KIAA1191: variants seen among roughly 807,000 people sequenced by gnomAD.
KIAA1191 encodes KIAA1191, also known as putative monooxygenase p33MONOX.
KIAA1191 carries 22 observed loss-of-function variants against 31.1 expected under a neutral mutation model. That is an observed-to-expected ratio of 0.71 (90% CI 0.51 to 1.01). The LOEUF (loss-of-function observed/expected upper bound fraction) is 1.01. Ranked by LOEUF, KIAA1191 falls within the 50% of genes least tolerant of loss-of-function variation. The probability of loss-of-function intolerance (pLI) is 0.00; values close to 1 mark genes in which losing one functional copy is unlikely to be tolerated. For missense variants in KIAA1191, 319 were observed against 388.0 expected (o/e 0.82, Z 1.49); for synonymous variants, 130 against 143.9 (o/e 0.90, Z 0.69).
chr5:176,355,518 G>C lies in KIAA1191; in HGVS notation c.207+53C>G. 6.4e-7 allele frequency: 1 copy of C among 1,558,438 alleles called. No homozygotes were observed. Among genetic ancestry groups the C allele is most frequent in the Non-Finnish European group, 8.7e-7 (1 of 1,142,868 alleles). On this transcript the variant is annotated intron_variant, in intron 4 of 8. Transcript: ENST00000298569. The surrounding 1 kb of genome is among the most constrained non-coding windows in gnomAD (Gnocchi z 4.2). Reference sequence around the variant, plus strand: ...GGAGCCACTGAAGGCTTCTGGAGCAGAGGAAGGACAAAGGGGTTGCGTATG... The same window carrying C: ...GGAGCCACTGAAGGCTTCTGGAGCACAGGAAGGACAAAGGGGTTGCGTATG...
rs1766551623 is a variant in KIAA1191, at chr5:176,346,902, C to G, written c.*698G>C. On this transcript the variant is annotated 3_prime_UTR_variant, in exon 9 of 9. Coordinates refer to ENST00000298569, the MANE Select transcript of KIAA1191 (RefSeq NM_020444.5). ...GTCGTCTTAGCGAGTCAGTGAGCACCTCTAAGCCATGATTTGTCAATGCTC... is the reference window on the plus strand; with the variant it reads ...GTCGTCTTAGCGAGTCAGTGAGCACGTCTAAGCCATGATTTGTCAATGCTC... 1 of 152,176 alleles carries G rather than the reference C, an allele frequency of 6.6e-6. No individual in the cohort carries two copies. The highest frequency in any genetic ancestry group is 1.5e-5 in the Non-Finnish European group (1 of 68,056). 9.4% of individuals were successfully genotyped at this position (152,176 alleles called of 1,614,324 possible). A position where few individuals can be genotyped will look rare whatever the true frequency, so the allele number is the denominator to read the frequency against.
chr5:176,353,703 A>C (rs1767244303), intron 4 of KIAA1191: 1 of 152,180 alleles, frequency 6.6e-6, no homozygotes, highest in Non-Finnish European at 1.5e-5. Context: ...TCTCCTTTGG[A>C]GCAGCTGTTC....
Position 176,355,430 on chromosome 5 carries a change from G to A in KIAA1191, c.207+141C>T, listed in dbSNP as rs1767423202. ...AAATCTTAAAAAAAAAAAAAAGACAGCTATAACTGAGGCACAGAAAACACA... is the reference window on the plus strand; with the variant it reads ...AAATCTTAAAAAAAAAAAAAAGACAACTATAACTGAGGCACAGAAAACACA... On this transcript the variant is annotated intron_variant, in intron 4 of 8. Coordinates refer to ENST00000298569, the MANE Select transcript of KIAA1191 (RefSeq NM_020444.5). This position sits in a 1 kb window ranked among gnomAD's most constrained non-coding sequence, Gnocchi z 4.2. 1 of 679,500 alleles carries A rather than the reference G, an allele frequency of 1.5e-6. No homozygotes were observed. The highest frequency in any genetic ancestry group is 2.3e-5 in the South Asian group (1 of 43,984). The allele number at this position is 679,500 out of a possible 1,614,324, so 42.1% of individuals were successfully genotyped here.
At chr5:176,349,152 A>T (rs3749804) in intron 6 of KIAA1191, 1 of 151,998 alleles carries the variant, frequency 6.6e-6, no homozygotes, top group Non-Finnish European at 1.5e-5. Context: ...GGCAAGACAC[A>T]GAAAGTGGGT....
rs1767471427 is a variant in KIAA1191 at position 176,355,962 on chromosome 5, G to A, written c.29-213C>T. 1.7e-6 allele frequency: 1 copy of A among 578,088 alleles called. No homozygotes were observed. 35.8% of individuals were successfully genotyped at this position (578,088 alleles called of 1,614,324 possible). On this transcript the variant is annotated intron_variant, in intron 3 of 8. Transcript: ENST00000298569. This position sits in a 1 kb window ranked among gnomAD's most constrained non-coding sequence, Gnocchi z 4.2. Reference sequence around the variant, plus strand: ...TTGGGTGGTCCACTTAACCCACTCAGCCGTCCTAATCCTTTTTTTTTATTA... The same window carrying A: ...TTGGGTGGTCCACTTAACCCACTCAACCGTCCTAATCCTTTTTTTTTATTA...
chr5:176,357,630 A>G (rs1268712131), intron 3 of KIAA1191, among the ~76,000 whole-genome samples: 1 of 152,132 alleles, frequency 6.6e-6, no homozygotes, highest in Non-Finnish European at 1.5e-5. Flanking sequence ...GAGCCGGTGC[A>G]CACACTCTGC....
intron 4 of KIAA1191, chr5:176,354,320 C>T (rs890373820): frequency 4.6e-5 from 7 of 152,288 alleles, no homozygotes; most frequent in African/African-American, 1.7e-4. Flanking sequence ...TTTCAGTGGA[C>T]CCTTACTGTG....
intron 1 of KIAA1191, 54 bp from the exon 2 acceptor site, chr5:176,359,972 C>T (rs1767854657): frequency 6.1e-6 from 1 of 163,500 alleles, no homozygotes; most frequent in African/African-American, 2.4e-5. Context: ...CTGCCAAACA[C>T]TTGTTTATTC....
rs1393833066 is a variant in KIAA1191 at position 176,346,897 on chromosome 5, A to T, written c.*703T>A. On this transcript the variant is annotated 3_prime_UTR_variant, in exon 9 of 9. Coordinates refer to ENST00000298569, the MANE Select transcript of KIAA1191 (RefSeq NM_020444.5). ...CCAAAGTCGTCTTAGCGAGTCAGTG[A>T]GCACCTCTAAGCCATGATTTGTCAA... The T allele has an allele frequency of 2.0e-5, 3 of 152,238 alleles. No homozygotes were observed. Among genetic ancestry groups the T allele is most frequent in the Admixed American group, 2.0e-4 (3 of 15,286 alleles). The allele number at this position is 152,238 out of a possible 1,614,324, so 9.4% of individuals were successfully genotyped here.
At chr5:176,357,596 T>C (rs11743673) in intron 3 of KIAA1191, among the ~76,000 whole-genome samples, 113,154 of 152,080 alleles carry the variant, frequency 0.74, 42,262 homozygotes, top group Middle Eastern at 0.84. Flanking sequence ...TGAAAGAGTG[T>C]GCTGGGAACT....
Position 176,347,544 on chromosome 5 carries a change from A to C in KIAA1191, c.*56T>G. ...ACCTTTCCTATGTCAAAGCCAAGGT[A>C]AAAGGGGAGTGGGATGCAAGAAACC... On this transcript the variant is annotated 3_prime_UTR_variant, in exon 9 of 9. Transcript: ENST00000298569. 1 of 1,321,768 alleles carries C rather than the reference A, an allele frequency of 7.6e-7. No individual in the cohort carries two copies. The highest frequency in any genetic ancestry group is 1.0e-6 in the Non-Finnish European group (1 of 984,364). 81.9% of individuals were successfully genotyped at this position (1,321,768 alleles called of 1,614,324 possible).
At position 176,355,816 on chromosome 5, in the gene KIAA1191, T is replaced by C; in HGVS notation, c.29-67A>G. ...ACATACTAGCAGCTTTAAATTAATC[T>C]ACAGGAAGGAAAGCTCTGAAATACT... On this transcript the variant is annotated intron_variant, in intron 3 of 8. Coordinates refer to ENST00000298569, the MANE Select transcript of KIAA1191 (RefSeq NM_020444.5). This position sits in a 1 kb window ranked among gnomAD's most constrained non-coding sequence, Gnocchi z 4.2. 6.8e-7 allele frequency: 1 copy of C among 1,466,164 alleles called. No individual in the cohort carries two copies. Among genetic ancestry groups the C allele is most frequent in the African/African-American group, 1.4e-5 (1 of 71,938 alleles). 90.8% of individuals were successfully genotyped at this position (1,466,164 alleles called of 1,614,324 possible).
intron 6 of KIAA1191, among the ~76,000 whole-genome samples, chr5:176,350,160 C>T (rs531778262): frequency 8.5e-5 from 13 of 152,288 alleles, no homozygotes; most frequent in African/African-American, 2.6e-4. Flanking sequence ...CAGTATGAAG[C>T]GGTCTTCACT....
chr5:176,347,884 T>G lies in KIAA1191; in HGVS notation c.709+37A>C, dbSNP rs1427516192. On this transcript the variant is annotated intron_variant, in intron 8 of 8. Coordinates refer to ENST00000298569, the MANE Select transcript of KIAA1191 (RefSeq NM_020444.5). ...CCGGTATACAATATGGTAAGATGTC[T>G]GCCATGCTGCTCTCTTTTTTGAAGG... 3 of 1,613,718 alleles carry G rather than the reference T, an allele frequency of 1.9e-6. No homozygotes were observed. The East Asian group carries it at 6.7e-5, about 36-fold the overall frequency.
At chr5:176,358,070 A>C (rs1432163094) in intron 3 of KIAA1191, among the ~76,000 whole-genome samples, 2 of 152,210 alleles carry the variant, frequency 1.3e-5, no homozygotes, top group African/African-American at 4.8e-5. Context: ...AGATGTAATT[A>C]AAAATCACTT....
In KIAA1191 at chr5:176,355,266, C is replaced by A. The variant is rs550577062; in HGVS notation, c.207+305G>T. Among the ~76,000 whole-genome samples, 26 of 152,030 alleles carry A rather than the reference C, an allele frequency of 1.7e-4. No homozygotes were observed. The highest frequency in any genetic ancestry group is 5.5e-4 in the African/African-American group (23 of 41,480). On this transcript the variant is annotated intron_variant, in intron 4 of 8. Coordinates refer to ENST00000298569, the MANE Select transcript of KIAA1191 (RefSeq NM_020444.5). The surrounding 1 kb of genome is among the most constrained non-coding windows in gnomAD (Gnocchi z 4.2). ...AAAAAAAGGAGGGAGATTTAAAAAA[C>A]CATCTATTGGGTACACTGTACACTA...
At position 176,347,923 on chromosome 5, in the gene KIAA1191, G is replaced by A; in HGVS notation, c.707C>T (p.Ser236Phe). 1.2e-6 allele frequency: 2 copies of A among 1,614,152 alleles called. No homozygotes were observed. The highest frequency in any genetic ancestry group is 1.3e-5 in the African/African-American group (1 of 75,028). ...CTTTTTTGAAGGTGCTGCCTTACCA[G>A]AATCGTACTTCTGAAGGGATCTCGG... is the stretch of plus-strand genomic sequence containing the variant. ...FGPRSLQKYD[S>F]GSFATQAYRG... The change falls in exon 8 of 9, where the codon TCT becomes TTT. Residue 236 changes from serine (S) to phenylalanine (F), a missense_variant and splice_region_variant. Ser to Phe is a radical substitution (Grantham distance 155). Coordinates refer to ENST00000298569, the MANE Select transcript of KIAA1191 (RefSeq NM_020444.5).
chr5:176,360,399 G>A (rs1408756805), intron 1 of KIAA1191, among the ~76,000 whole-genome samples: 5 of 151,516 alleles, frequency 3.3e-5, no homozygotes, highest in Admixed American at 6.6e-5. Context: ...CTTGCGATCC[G>A]CCCACCTCGG....
Position 176,348,338 on chromosome 5 carries a change from C to T in KIAA1191, c.478G>A (p.Gly160Arg). 6.2e-7 allele frequency: 1 copy of T among 1,613,400 alleles called. No homozygotes were observed. Among genetic ancestry groups the T allele is most frequent in the Non-Finnish European group, 8.5e-7 (1 of 1,179,762 alleles). Residue 160 changes from glycine to arginine, a missense_variant, in exon 7 of 9, where the codon GGA (glycine) becomes AGA (arginine). Gly to Arg is a moderately radical substitution (Grantham distance 125). Transcript: ENST00000298569. ...EALHKLKLQS[G>R]EVTKEERQPA... ...TGCCTCTCTTCTTTTGTTACCTCTC[C>T]ACTCTGTAACTTTAGTTTCTGCTCA... is the stretch of plus-strand genomic sequence containing the variant.
Sources: allele counts gnomAD v4.1 joint callset (sites outside exome capture counted in the v4.1 genomes callset), GRCh38; gene constraint gnomAD v4.1.1; non-coding constraint Gnocchi (gnomAD v3.1); transcripts MANE v1.5; gene names NCBI Gene and HGNC (gene_info 2026-07-23, HGNC 2026-07-21).